The following PARD3B variants were observed in gnomAD, a reference collection of about 807,000 sequenced individuals.
The protein encoded by PARD3B is par-3 family cell polarity regulator beta, also known as partitioning defective 3 homolog B.
Under a neutral mutation model 130.2 loss-of-function variants are expected in PARD3B, and 103 were observed. That is an observed-to-expected ratio of 0.79 (90% CI 0.67 to 0.93). The LOEUF is 0.93. Ranked by LOEUF, PARD3B falls within the 40% of genes least tolerant of loss-of-function variation. The pLI is 0.00. For missense variants in PARD3B, 1,609 were observed against 1,499.2 expected (o/e 1.07, Z -1.21); for synonymous variants, 583 against 553.2 (o/e 1.05, Z -0.76).
intron 18 of PARD3B, among the ~76,000 whole-genome samples, chr2:205,382,385 G>A (rs574252825): frequency 1.3e-5 from 2 of 152,152 alleles, no homozygotes; most frequent in South Asian, 4.2e-4. Context: ...CTCTTCTTAG[G>A]AAGTACATGA....
Position 205,473,737 on chromosome 2 carries a change from T to A in PARD3B, c.3045-26159T>A, listed in dbSNP as rs1023186845. ...ACACACACGTATATAAAACCCTAAATATATATATATATATATATAACCTTA... is the reference window on the plus strand; with the variant it reads ...ACACACACGTATATAAAACCCTAAAAATATATATATATATATATAACCTTA... On this transcript the variant is annotated intron_variant, in intron 20 of 22. Coordinates refer to ENST00000406610, the MANE Select transcript of PARD3B (RefSeq NM_001302769.2). The surrounding 1 kb of genome is among the most constrained non-coding windows in gnomAD (Gnocchi z 4.9). Among the ~76,000 whole-genome samples, 34 of 100,536 alleles carry A rather than the reference T, an allele frequency of 3.4e-4. No individual in the cohort carries two copies. The highest frequency in any genetic ancestry group is 2.8e-4 in the African/African-American group (3 of 10,576). The allele number at this position is 100,536 out of a possible 152,430, so 66.0% of individuals were successfully genotyped here.
chr2:205,134,277 C>T (rs1263812271), intron 10 of PARD3B, among the ~76,000 whole-genome samples: 3 of 151,662 alleles, frequency 2.0e-5, no homozygotes. Context: ...AATCCCATCA[C>T]TTCAGGAGGC....
At chr2:205,194,788 ATTATTT>A (rs1450920361) in intron 15 of PARD3B, among the ~76,000 whole-genome samples, 1 of 151,462 alleles carries the variant, frequency 6.6e-6, no homozygotes, top group African/African-American at 2.4e-5. Flanking sequence ...TATTATTATT[ATTATTT>A]TTATTTTGAG....
intron 3 of PARD3B, among the ~76,000 whole-genome samples, chr2:205,039,456 GTTTAT>G (rs1026781480): frequency 1.3e-5 from 2 of 151,942 alleles, no homozygotes; most frequent in Non-Finnish European, 2.9e-5. Context: ...CTGATGGACA[GTTTAT>G]TTTATTTTAT....
chr2:204,724,709 C>T (rs1307430711), intron 2 of PARD3B, among the ~76,000 whole-genome samples: 1 of 151,924 alleles, frequency 6.6e-6, no homozygotes, highest in Non-Finnish European at 1.5e-5. Flanking sequence ...GTAGGAGATA[C>T]CAAATAGTAG....
chr2:205,353,651 G>T (rs2044073955), intron 18 of PARD3B, among the ~76,000 whole-genome samples: 1 of 152,166 alleles, frequency 6.6e-6, no homozygotes, highest in African/African-American at 2.4e-5. Flanking sequence ...TTGTTTCATG[G>T]ATGACAAGAC....
chr2:205,525,625 C>G lies in PARD3B; in HGVS notation c.3180+25594C>G, dbSNP rs2051303202. 6.6e-6 allele frequency among the ~76,000 whole-genome samples: 1 copy of G among 152,166 alleles called. No individual in the cohort carries two copies. The highest frequency in any genetic ancestry group is 1.5e-5 in the Non-Finnish European group (1 of 68,036). On this transcript the variant is annotated intron_variant, in intron 21 of 22. Coordinates refer to ENST00000406610, the MANE Select transcript of PARD3B (RefSeq NM_001302769.2). This position sits in a 1 kb window ranked among gnomAD's most constrained non-coding sequence, Gnocchi z 4.2. Reference sequence around the variant, plus strand: ...TATTGTGCGGATGCTAATCTAATAACAGAATCATATTTATAATACAGTAGG... The same window carrying G: ...TATTGTGCGGATGCTAATCTAATAAGAGAATCATATTTATAATACAGTAGG...
chr2:205,013,493 A>G (rs1296078391), intron 3 of PARD3B, among the ~76,000 whole-genome samples: 2 of 152,120 alleles, frequency 1.3e-5, no homozygotes, highest in African/African-American at 2.4e-5. Flanking sequence ...CAACCTCTAC[A>G]CTATTGATGC....
At chr2:204,874,033 CT>C (rs2045741758) in intron 2 of PARD3B, among the ~76,000 whole-genome samples, 1 of 152,044 alleles carries the variant, frequency 6.6e-6, no homozygotes, top group African/African-American at 2.4e-5. Flanking sequence ...ATCCCAGCTA[CT>C]TGGGAGGCTG....
chr2:204,820,432 C>G (rs926237813), intron 2 of PARD3B, among the ~76,000 whole-genome samples: 1 of 152,022 alleles, frequency 6.6e-6, no homozygotes, highest in African/African-American at 2.4e-5. Flanking sequence ...AAGATGTCAC[C>G]TAGGACTCTG....
At chr2:205,240,195 A>G (rs2039288745) in intron 15 of PARD3B, among the ~76,000 whole-genome samples, 1 of 152,228 alleles carries the variant, frequency 6.6e-6, no homozygotes, top group Admixed American at 6.5e-5. Context: ...AGTGGCACAG[A>G]AATTGATCTG....
In PARD3B at chr2:205,177,204, C is replaced by T. The variant is rs145283782; in HGVS notation, c.1924+627C>T. 8.9e-3 allele frequency among the ~76,000 whole-genome samples: 1,345 copies of T among 151,892 alleles called. 18 individuals carry two copies. Among genetic ancestry groups the T allele is most frequent in the African/African-American group, 0.03 (1,260 of 41,406 alleles). ...GTCACCAAGAAAATTGTTTTATCTCCCTGTATCTCTTTTCTTTAATAAAAT... is the reference window on the plus strand; with the variant it reads ...GTCACCAAGAAAATTGTTTTATCTCTCTGTATCTCTTTTCTTTAATAAAAT... On this transcript the variant is annotated intron_variant, in intron 13 of 22. Coordinates refer to ENST00000406610, the MANE Select transcript of PARD3B (RefSeq NM_001302769.2).
Position 204,815,911 on chromosome 2 carries a change from T to C in PARD3B, c.222+129629T>C, listed in dbSNP as rs575374565. Among the ~76,000 whole-genome samples the C allele has an allele frequency of 5.7e-4, 87 of 152,188 alleles. 2 individuals carry two copies. In the South Asian group the frequency reaches 0.018, roughly 31 times the overall value. ...TGAATGCTTTCAGTCTGTTGAGACGTACATATTCTGCTATCGTTGGACACA... is the reference window on the plus strand; with the variant it reads ...TGAATGCTTTCAGTCTGTTGAGACGCACATATTCTGCTATCGTTGGACACA... On this transcript the variant is annotated intron_variant, in intron 2 of 22. Coordinates refer to ENST00000406610, the MANE Select transcript of PARD3B (RefSeq NM_001302769.2).
chr2:205,163,813 T>C (rs763850089), intron 11 of PARD3B, among the ~76,000 whole-genome samples: 8 of 152,184 alleles, frequency 5.3e-5, no homozygotes, highest in Non-Finnish European at 1.0e-4. Context: ...CAAAGGAAGA[T>C]AAAAGGGACA....
rs544727970 is a variant in PARD3B, at chr2:205,520,508, G to T, written c.3180+20477G>T. On this transcript the variant is annotated intron_variant, in intron 21 of 22. Coordinates refer to ENST00000406610, the MANE Select transcript of PARD3B (RefSeq NM_001302769.2). ...CGAGTTGCTACTGGCTCAATAGCTC[G>T]GGCCGGGGGTGGCTGGAGGCTTAGG... Among the ~76,000 whole-genome samples the T allele has an allele frequency of 4.4e-4, 67 of 152,066 alleles. No individual in the cohort carries two copies. In the Middle Eastern group the frequency reaches 0.014, roughly 31 times the overall value.
chr2:205,362,347 T>G (rs755191428), intron 18 of PARD3B, among the ~76,000 whole-genome samples: 34 of 152,228 alleles, frequency 2.2e-4, no homozygotes, highest in Non-Finnish European at 4.6e-4. Flanking sequence ...ATAGCTTACT[T>G]TGACTTCATG....
chr2:204,776,113 A>G (rs2041606790), intron 2 of PARD3B, among the ~76,000 whole-genome samples: 1 of 152,170 alleles, frequency 6.6e-6, no homozygotes, highest in Non-Finnish European at 1.5e-5. Flanking sequence ...CCTGACATAC[A>G]GTTTTCTTCT....
At chr2:205,435,806 AT>A (rs574591195) in intron 19 of PARD3B, among the ~76,000 whole-genome samples, 146 of 151,862 alleles carry the variant, frequency 9.6e-4, no homozygotes, top group African/African-American at 3.0e-3. Context: ...TAATATTTAC[AT>A]TTTTTCTGTA....
chr2:204,883,432 A>AT (rs71032412), intron 2 of PARD3B, among the ~76,000 whole-genome samples: 3 of 107,928 alleles, frequency 2.8e-5, no homozygotes, highest in African/African-American at 1.2e-4. Flanking sequence ...ATATATATAT[A>AT]AAATATATAT....
Sources: allele counts gnomAD v4.1 joint callset (sites outside exome capture counted in the v4.1 genomes callset), GRCh38; gene constraint gnomAD v4.1.1; non-coding constraint Gnocchi (gnomAD v3.1); transcripts MANE v1.5; gene names NCBI Gene and HGNC (gene_info 2026-07-23, HGNC 2026-07-21).